Variants in TENM2 observed in about 807,000 individuals in gnomAD.
TENM2 encodes teneurin transmembrane protein 2, also known as teneurin-2.
In TENM2, 52 loss-of-function variants were observed where a neutral mutation model predicts 245.2. The ratio of observed to expected loss-of-function variants is 0.21; its 90% CI spans 0.17 to 0.27. TENM2 has a LOEUF of 0.27. Ranked by LOEUF, TENM2 falls within the 10% of genes least tolerant of loss-of-function variation. The probability of loss-of-function intolerance (pLI) is 1.00; values close to 1 mark genes in which losing one functional copy is unlikely to be tolerated. For synonymous variants in TENM2, 1,363 were observed against 1,438.9 expected (o/e 0.95, Z 1.19); for missense variants, 3,046 against 3,666.8 (o/e 0.83, Z 4.37).
chr5:167,142,515 A>G, the TENM2 span, among the ~76,000 whole-genome samples: 71 of 152,024 alleles, frequency 4.7e-4, no homozygotes, highest in African/African-American at 1.6e-3. Flanking sequence ...ACAAACACAT[A>G]GAAGTATCAT....
chr5:168,178,391 A>G (rs1759543750), intron 13 of TENM2, among the ~76,000 whole-genome samples: 1 of 152,162 alleles, frequency 6.6e-6, no homozygotes, highest in Non-Finnish European at 1.5e-5. Context: ...ATTTGGGGAA[A>G]TCAGAGGCCA....
At chr5:167,102,693 C>T in the TENM2 span, among the ~76,000 whole-genome samples, 4 of 152,362 alleles carry the variant, frequency 2.6e-5, no homozygotes, top group East Asian at 7.7e-4. Context: ...TAGCCTCGCT[C>T]TGTTGCTCAG....
chr5:167,240,344 T>C, the TENM2 span, among the ~76,000 whole-genome samples: 1 of 147,728 alleles, frequency 6.8e-6, no homozygotes, highest in African/African-American at 2.7e-5. Context: ...TTTGCCCACC[T>C]GTTGTTGTTG....
At chr5:167,596,426 T>C (rs927304085) in intron 2 of TENM2, among the ~76,000 whole-genome samples, 1 of 152,156 alleles carries the variant, frequency 6.6e-6, no homozygotes, top group African/African-American at 2.4e-5. Flanking sequence ...CTTGAGCCAA[T>C]TCCCATTAAT....
In TENM2 at chr5:167,617,630, G is replaced by A. The variant is rs535116871; in HGVS notation, c.502+242157G>A. ...CGTTCTACCTCTGTGTATTTTGCAA[G>A]CATTTCCTACCCACTCAACTCTAAT... is the stretch of plus-strand genomic sequence containing the variant. On this transcript the variant is annotated intron_variant, in intron 2 of 28. Transcript: ENST00000518659. Among the ~76,000 whole-genome samples, 31 of 152,256 alleles carry A rather than the reference G, an allele frequency of 2.0e-4. 1 individual carries two copies.
intron 2 of TENM2, among the ~76,000 whole-genome samples, chr5:167,663,184 G>GAGAA (rs1248392983): frequency 1.1e-4 from 14 of 130,006 alleles, no homozygotes; most frequent in South Asian, 5.1e-4. Context: ...GAGAGAGAGA[G>GAGAA]AGAAAGAGAG....
intron 1 of TENM2, among the ~76,000 whole-genome samples, chr5:167,296,728 T>C (rs989962703): frequency 6.6e-6 from 1 of 152,210 alleles, no homozygotes; most frequent in Non-Finnish European, 1.5e-5. Flanking sequence ...TAGTTTACAG[T>C]GACATTTCAT....
the TENM2 span, among the ~76,000 whole-genome samples, chr5:167,091,759 C>T: frequency 1.3e-5 from 2 of 152,092 alleles, no homozygotes; most frequent in Non-Finnish European, 2.9e-5. Flanking sequence ...CTGTTAATTT[C>T]CTTTCAAGAT....
intron 2 of TENM2, among the ~76,000 whole-genome samples, chr5:167,760,863 C>T (rs927533800): frequency 4.6e-5 from 7 of 152,126 alleles, no homozygotes; most frequent in Non-Finnish European, 8.8e-5. Context: ...GTTAGTCAGG[C>T]TGGTCTCGAA....
intron 6 of TENM2, 64 bp from the exon 9 acceptor site, chr5:168,061,996 A>G: frequency 2.1e-6 from 3 of 1,418,898 alleles, no homozygotes; most frequent in South Asian, 1.4e-5. Context: ...GTAATTAAAC[A>G]AATATAGAGC....
At chr5:167,978,239 C>T (rs1782584613) in intron 4 of TENM2, among the ~76,000 whole-genome samples, 1 of 152,204 alleles carries the variant, frequency 6.6e-6, no homozygotes, top group South Asian at 2.1e-4. Context: ...ACTGAGGCAC[C>T]TCTATGATGC....
chr5:167,589,199 C>CAA (rs5873047), intron 2 of TENM2, among the ~76,000 whole-genome samples: 3,898 of 139,022 alleles, frequency 0.028, 100 homozygotes, highest in African/African-American at 0.068. Flanking sequence ...GAGGCTGTCT[C>CAA]AAAAAAAAAA....
At chr5:167,371,559 C>T (rs1017257917) in intron 1 of TENM2, among the ~76,000 whole-genome samples, 2 of 151,798 alleles carry the variant, frequency 1.3e-5, no homozygotes, top group South Asian at 4.2e-4. Flanking sequence ...TGGGGTTTAT[C>T]CATGTTTGTC....
At chr5:168,234,374 T>C (rs1222125028) in intron 25 of TENM2, among the ~76,000 whole-genome samples, 3 of 151,900 alleles carry the variant, frequency 2.0e-5, no homozygotes, top group Non-Finnish European at 4.4e-5. Context: ...CAGGCACAGG[T>C]CACATGACCA....
At chr5:167,694,332 A>T (rs1037200937) in intron 2 of TENM2, among the ~76,000 whole-genome samples, 2 of 152,106 alleles carry the variant, frequency 1.3e-5, no homozygotes, top group South Asian at 2.1e-4. Context: ...GTGGCCTGGA[A>T]CTCAGGCTGT....
chr5:167,027,998 A>T, the TENM2 span, among the ~76,000 whole-genome samples: 1 of 140,918 alleles, frequency 7.1e-6, no homozygotes, highest in Non-Finnish European at 1.5e-5. Flanking sequence ...TTGAGCCTAG[A>T]GGCAGAGGTT....
At chr5:168,245,229 T>G (rs1581750496) in intron 26 of TENM2, among the ~76,000 whole-genome samples, 3 of 95,486 alleles carry the variant, frequency 3.1e-5, no homozygotes, top group Admixed American at 1.4e-4. Context: ...ACCATTGGGG[T>G]GGGGGGCGGG....
chr5:167,938,578 A>G (rs1229963939), intron 3 of TENM2: 1 of 152,246 alleles, frequency 6.6e-6, no homozygotes, highest in African/African-American at 2.4e-5. Flanking sequence ...AAGGCCAGGA[A>G]CTCTGTACCT....
chr5:167,217,855 G>A, the TENM2 span, among the ~76,000 whole-genome samples: 2 of 148,446 alleles, frequency 1.3e-5, no homozygotes, highest in Non-Finnish European at 3.0e-5. Flanking sequence ...ACTATGAGAC[G>A]AAACAGAAGA....
Sources: allele counts gnomAD v4.1 joint callset (sites outside exome capture counted in the v4.1 genomes callset), GRCh38; gene constraint gnomAD v4.1.1; transcripts MANE v1.5; gene names NCBI Gene and HGNC (gene_info 2026-07-23, HGNC 2026-07-21).